The following ZNF99 variants were observed in gnomAD, a reference collection of about 807,000 sequenced individuals.
ZNF99 encodes zinc finger protein 99, also known as zinc finger protein ENSP00000375192.
Under a neutral mutation model 12.8 loss-of-function variants are expected in ZNF99, and 8 were observed. The observed-to-expected ratio is 0.62, with a 90% CI of 0.37 to 1.13. The LOEUF is 1.13. Ranked by LOEUF, ZNF99 falls within the 50% of genes most tolerant of loss-of-function variation. ZNF99 has a pLI of 0.02. For missense variants in ZNF99, 1,007 were observed against 1,006.2 expected (o/e 1.00, Z -0.01); for synonymous variants, 318 against 319.0 (o/e 1.00, Z 0.03).
At chr19:22,761,048 A>T (rs540202924) in intron 3 of ZNF99, among the ~76,000 whole-genome samples, 2 of 152,108 alleles carry the variant, frequency 1.3e-5, no homozygotes, top group South Asian at 2.1e-4. Context: ...ATTTTAATTA[A>T]TTATTATAAT....
At chr19:22,771,697 A>G (rs907797918) in intron 1 of ZNF99, among the ~76,000 whole-genome samples, 1 of 145,362 alleles carries the variant, frequency 6.9e-6, no homozygotes, top group African/African-American at 2.6e-5. Context: ...TCCCCTATTC[A>G]ACAACCACAG....
At chr19:22,781,403 C>CTTTTTTTT (rs35970718) in intron 1 of ZNF99, among the ~76,000 whole-genome samples, 204 of 87,658 alleles carry the variant, frequency 2.3e-3, no homozygotes, top group East Asian at 5.3e-3. Context: ...ATTGGGGTCA[C>CTTTTTTTT]TTTTTTTTTT....
rs920177082 is a variant in ZNF99 at position 22,767,136 on chromosome 19, C to A, written c.226+1169G>T. On this transcript the variant is annotated intron_variant, in intron 3 of 3. Transcript: ENST00000596209. ...AAAAAAAAAAAAAAAAACCAAAAAA[C>A]TAGCTGGGTTTAATGGCATGGGCCT... Among the ~76,000 whole-genome samples the A allele has an allele frequency of 3.0e-3, 397 of 133,936 alleles. 1 individual carries two copies. Among genetic ancestry groups the A allele is most frequent in the African/African-American group, 6.9e-3 (256 of 37,076 alleles). The allele number at this position is 133,936 out of a possible 152,430, so 87.9% of individuals were successfully genotyped here. A position where few individuals can be genotyped will look rare whatever the true frequency, so the allele number is the denominator to read the frequency against.
At chr19:22,766,023 C>T (rs1298855856) in intron 3 of ZNF99, among the ~76,000 whole-genome samples, 1 of 151,738 alleles carries the variant, frequency 6.6e-6, no homozygotes, top group Non-Finnish European at 1.5e-5. Flanking sequence ...CTGCATAAAT[C>T]TGAATACACA....
intron 3 of ZNF99, among the ~76,000 whole-genome samples, chr19:22,763,984 C>A (rs1213357120): frequency 7.0e-6 from 1 of 143,418 alleles, no homozygotes; most frequent in Admixed American, 7.1e-5. Context: ...TCTTGGCTCA[C>A]CACAACTTCT....
In ZNF99 at chr19:22,756,264, A is replaced by G. The variant is rs755290068; in HGVS notation, c.*1050T>C. On this transcript the variant is annotated 3_prime_UTR_variant, in exon 4 of 4. Coordinates refer to ENST00000596209, the MANE Select transcript of ZNF99 (RefSeq NM_001080409.3). ...TTAGTAAGGGCTGAAAGATGGTTAA[A>G]AGCTTTGCCACATTCTTCACATTTG... 1 of 1,586,276 alleles carries G rather than the reference A, an allele frequency of 6.3e-7. No individual in the cohort carries two copies. The highest frequency in any genetic ancestry group is 1.1e-5 in the South Asian group (1 of 90,768).
chr19:22,765,943 AT>A (rs1973198729), intron 3 of ZNF99, among the ~76,000 whole-genome samples: 1 of 152,138 alleles, frequency 6.6e-6, no homozygotes, highest in Admixed American at 6.5e-5. Flanking sequence ...CACATATAAA[AT>A]GTCTTACTAT....
intron 3 of ZNF99, among the ~76,000 whole-genome samples, chr19:22,764,011 C>A (rs547324955): frequency 6.9e-6 from 1 of 144,906 alleles, no homozygotes; most frequent in East Asian, 2.1e-4. Flanking sequence ...CGGGTTCAAG[C>A]AATTCTCCTG....
In ZNF99 at chr19:22,756,104, C is replaced by T. The variant is rs1973046704; in HGVS notation, c.*1210G>A. The T allele has an allele frequency of 2.1e-6, 3 of 1,447,274 alleles. No homozygotes were observed. The highest frequency in any genetic ancestry group is 3.0e-5 in the East Asian group (1 of 33,790). 89.7% of individuals were successfully genotyped at this position (1,447,274 alleles called of 1,614,324 possible). A position where few individuals can be genotyped will look rare whatever the true frequency, so the allele number is the denominator to read the frequency against. On this transcript the variant is annotated 3_prime_UTR_variant, in exon 4 of 4. Transcript: ENST00000596209. ...GCTTGAGGACTGGTTAAAAGCTTTG[C>T]CACATTCTTCACATATGGAGGGTCT...
At position 22,758,240 on chromosome 19, in the gene ZNF99, T is replaced by A; in HGVS notation, c.1669A>T (p.Ile557Leu). 1 of 1,600,608 alleles carries A rather than the reference T, an allele frequency of 6.2e-7. No individual in the cohort carries two copies. The highest frequency in any genetic ancestry group is 1.1e-5 in the South Asian group (1 of 90,262). ...TATGGTTTCTTCCCAGTATGAATTATCTTATGTTTCATAAGGGTTGAGGAA... is the reference window on the plus strand; with the variant it reads ...TATGGTTTCTTCCCAGTATGAATTAACTTATGTTTCATAAGGGTTGAGGAA... ...NNSSTLMKHK[I>L]IHTGKKPYKC... Residue 557 changes from isoleucine to leucine, a missense_variant, in exon 4 of 4, where the codon ATA becomes TTA. Ile to Leu is a conservative substitution (Grantham distance 5, BLOSUM62 2). Coordinates refer to ENST00000596209, the MANE Select transcript of ZNF99 (RefSeq NM_001080409.3).
Position 22,774,382 on chromosome 19 carries a change from C to G in ZNF99, c.4-5058G>C, listed in dbSNP as rs991158306. On this transcript the variant is annotated intron_variant, in intron 1 of 3. Transcript: ENST00000596209. ...ATCTCCTAGCCATTGAATGGGGGTT[C>G]CATATTGAAATACATCTCACAATTT... is the stretch of plus-strand genomic sequence containing the variant. 1.1e-4 allele frequency: 17 copies of G among 152,610 alleles called. 1 individual carries two copies. Among genetic ancestry groups the G allele is most frequent in the Non-Finnish European group, 2.4e-4 (16 of 68,016 alleles). The allele number at this position is 152,610 out of a possible 1,614,324, so 9.5% of individuals were successfully genotyped here. A position where few individuals can be genotyped will look rare whatever the true frequency, so the allele number is the denominator to read the frequency against.
At position 22,759,559 on chromosome 19, in the gene ZNF99, C is replaced by T. The variant is rs1203889634; in HGVS notation, c.350G>A (p.Cys117Tyr). ...CATCTTACCCTCATTGACACTTTCA[C>T]AATCTTTTCTTAATCGTAAATTCTT... ...GHKNLRLRKDCESVNEGKMHE... is the reference protein window; with the variant it reads ...GHKNLRLRKDYESVNEGKMHE... The change falls in exon 4 of 4, where the codon TGT becomes TAT. Residue 117 changes from cysteine (C) to tyrosine (Y), a missense_variant. Coordinates refer to ENST00000596209, the MANE Select transcript of ZNF99 (RefSeq NM_001080409.3). 2 of 1,611,782 alleles carry T rather than the reference C, an allele frequency of 1.2e-6. No homozygotes were observed. The highest frequency in any genetic ancestry group is 1.7e-6 in the Non-Finnish European group (2 of 1,179,368).
intron 1 of ZNF99, among the ~76,000 whole-genome samples, chr19:22,776,033 C>G (rs1973322277): frequency 6.6e-6 from 1 of 150,888 alleles, no homozygotes; most frequent in Non-Finnish European, 1.5e-5. Flanking sequence ...AAAAACAAAA[C>G]AAAACATAAC....
chr19:22,764,380 A>T (rs909231514), intron 3 of ZNF99, among the ~76,000 whole-genome samples: 1 of 152,238 alleles, frequency 6.6e-6, no homozygotes, highest in South Asian at 2.1e-4. Context: ...CCTTTTAGAC[A>T]TTGGCTTAGA....
chr19:22,782,381 G>T (rs1397762514), intron 1 of ZNF99, among the ~76,000 whole-genome samples: 1 of 151,298 alleles, frequency 6.6e-6, no homozygotes, highest in Non-Finnish European at 1.5e-5. Context: ...TTTTAAGACA[G>T]TTTCGGTCTT....
chr19:22,778,563 A>C (rs1014196746), intron 1 of ZNF99, among the ~76,000 whole-genome samples: 1 of 152,180 alleles, frequency 6.6e-6, no homozygotes, highest in Non-Finnish European at 1.5e-5. Context: ...CTGTTTAAAA[A>C]CTGGGGACTC....
chr19:22,783,070 G>C (rs1385455198), intron 1 of ZNF99, among the ~76,000 whole-genome samples: 2 of 151,934 alleles, frequency 1.3e-5, no homozygotes, highest in Admixed American at 1.3e-4. Flanking sequence ...ACCTGACGTC[G>C]GGAGTTCGAG....
At chr19:22,769,072 G>T in intron 2 of ZNF99, 126 bp downstream of exon 2, 16 of 974,902 alleles carry the variant, frequency 1.6e-5, no homozygotes, top group Non-Finnish European at 2.9e-6. Flanking sequence ...TCAAATCCCT[G>T]TTTTCAGAAA....
intron 1 of ZNF99, chr19:22,769,864 A>G: frequency 7.4e-7 from 1 of 1,349,070 alleles, no homozygotes; most frequent in South Asian, 1.2e-5. Context: ...CAGCACAGAC[A>G]AGATACTTTT....
Sources: allele counts gnomAD v4.1 joint callset (sites outside exome capture counted in the v4.1 genomes callset), GRCh38; gene constraint gnomAD v4.1.1; transcripts MANE v1.5; gene names NCBI Gene and HGNC (gene_info 2026-07-23, HGNC 2026-07-21).